Variants in ALDH3B1 observed in about 807,000 individuals in gnomAD.
ALDH3B1 encodes the protein aldehyde dehydrogenase family 3 member B1.
In ALDH3B1, 37 loss-of-function variants were observed where a neutral mutation model predicts 46.2. The ratio of observed to expected loss-of-function variants is 0.80; its 90% confidence interval spans 0.62 to 1.05. The LOEUF (loss-of-function observed/expected upper bound fraction) is 1.05, where lower values mean the gene tolerates loss of function less well. Among genes scored for constraint, ALDH3B1 ranks in the 50% least tolerant of loss-of-function variants. The pLI is 0.00. For synonymous variants in ALDH3B1, 283 were observed against 281.0 expected, an observed-to-expected ratio of 1.01 and a Z score of -0.07; for missense variants, 603 against 665.5, an observed-to-expected ratio of 0.91 and a Z score of 1.03.
chr11:68,008,590 C>T (rs1565130166), upstream of ALDH3B1: 1 of 152,294 alleles, frequency 6.6e-6, no homozygotes, highest in Non-Finnish European at 1.5e-5. Flanking sequence ...GGCTCCATCC[C>T]ACACAGAGGA....
chr11:68,010,672 G>A (rs1235378428), intron 1 of ALDH3B1, among the ~76,000 whole-genome samples: 1 of 152,166 alleles, frequency 6.6e-6, no homozygotes, highest in Non-Finnish European at 1.5e-5. Flanking sequence ...TCCTTTTCCT[G>A]GGATTCCCGG....
At chr11:68,026,161 T>C in intron 9 of ALDH3B1, 53 bp downstream of exon 9, 4 of 1,440,596 alleles carry the variant, frequency 2.8e-6, no homozygotes, top group South Asian at 1.3e-5. Flanking sequence ...ATTGCAATAG[T>C]GTTACCTGCA....
intron 2 of ALDH3B1, chr11:68,018,161 CAT>C (rs1554988654): frequency 7.8e-5 from 18 of 231,546 alleles, no homozygotes; most frequent in African/African-American, 3.4e-4. Context: ...CACACACACA[CAT>C]GCTCATGTGG....
intron 1 of ALDH3B1, among the ~76,000 whole-genome samples, chr11:68,011,162 T>A (rs1255421248): frequency 1.3e-5 from 2 of 152,230 alleles, no homozygotes; most frequent in African/African-American, 4.8e-5. Flanking sequence ...TATTCATGAT[T>A]CGTGAATCCG....
intron 4 of ALDH3B1, 49 bp from the exon 5 acceptor site, chr11:68,019,121 C>A: frequency 1.9e-6 from 3 of 1,569,130 alleles, no homozygotes; most frequent in Non-Finnish European, 2.6e-6. Context: ...GTGTGGAGAC[C>A]AGGAGCTGGC....
chr11:68,022,466 G>C, intron 7 of ALDH3B1, 129 bp from the exon 8 acceptor site: 2 of 1,269,864 alleles, frequency 1.6e-6, no homozygotes, highest in Non-Finnish European at 2.1e-6. Context: ...AAAGCCTGAA[G>C]CCTTGGGAAG....
Position 68,025,536 on chromosome 11 carries a change from T to C in ALDH3B1, c.1117-473T>C, listed in dbSNP as rs543448539. Among the ~76,000 whole-genome samples the C allele has an allele frequency of 3.5e-4, 53 of 152,330 alleles. 1 individual carries two copies. Among genetic ancestry groups the C allele is most frequent in the Admixed American group, 3.0e-3 (46 of 15,294 alleles). On this transcript the variant is annotated intron_variant, in intron 8 of 9. Coordinates refer to ENST00000342456, the MANE Select transcript of ALDH3B1 (RefSeq NM_000694.4). ...ATCTGACCACATCATTATGTTTTCATGTCCCTGTGTTCACACCACACAGCT... is the reference window on the plus strand; with the variant it reads ...ATCTGACCACATCATTATGTTTTCACGTCCCTGTGTTCACACCACACAGCT...
rs943275411 is a variant in ALDH3B1 at position 68,028,688 on chromosome 11, A to G, written c.*749A>G. 6.6e-6 allele frequency: 1 copy of G among 152,182 alleles called. No homozygotes were observed. Among genetic ancestry groups the G allele is most frequent in the African/African-American group, 2.4e-5 (1 of 41,292 alleles). 9.4% of individuals were successfully genotyped at this position (152,182 alleles called of 1,614,324 possible). A position where few individuals can be genotyped will look rare whatever the true frequency, so the allele number is the denominator to read the frequency against. On this transcript the variant is annotated 3_prime_UTR_variant, in exon 10 of 10. Coordinates refer to ENST00000342456, the MANE Select transcript of ALDH3B1 (RefSeq NM_000694.4). ...GGAGGCTCTGCCTTAAAAAAAAAAA[A>G]AAAAAAAACCTCCTGGGACTGTTGC...
intron 6 of ALDH3B1, among the ~76,000 whole-genome samples, chr11:68,020,277 GTGGCACAATCT>G (rs890638885): frequency 7.9e-5 from 12 of 152,092 alleles, no homozygotes; most frequent in Admixed American, 2.6e-4. Flanking sequence ...CACCCAGGCA[GTGGCACAATCT>G]TGGCACAATC....
At chr11:68,020,006 G>A (rs572146256) in intron 6 of ALDH3B1, among the ~76,000 whole-genome samples, 14 of 152,236 alleles carry the variant, frequency 9.2e-5, no homozygotes, top group African/African-American at 2.6e-4. Flanking sequence ...CAACCACAGC[G>A]TCAGGAACCA....
chr11:68,026,768 C>G (rs978425749), intron 9 of ALDH3B1, among the ~76,000 whole-genome samples: 1 of 152,234 alleles, frequency 6.6e-6, no homozygotes, highest in Non-Finnish European at 1.5e-5. Flanking sequence ...CCTGTCCACA[C>G]TCAGCACCAC....
chr11:68,010,612 C>T (rs1857210072), intron 1 of ALDH3B1, among the ~76,000 whole-genome samples: 1 of 152,174 alleles, frequency 6.6e-6, no homozygotes, highest in South Asian at 2.1e-4. Flanking sequence ...CCCGGGCACC[C>T]CCCTGGCCAG....
rs3794181 is a variant in ALDH3B1, at chr11:68,012,661, G to C, written c.-2+2269G>C. On this transcript the variant is annotated intron_variant, in intron 1 of 9. Coordinates refer to ENST00000342456, the MANE Select transcript of ALDH3B1 (RefSeq NM_000694.4). ...CGAGGAAATGGAATCCAAACAGCAAGAGACCTCCCCTCACCGGTCACCCCT... is the reference window on the plus strand; with the variant it reads ...CGAGGAAATGGAATCCAAACAGCAACAGACCTCCCCTCACCGGTCACCCCT... Among the ~76,000 whole-genome samples the C allele has an allele frequency of 1.4e-3, 208 of 152,288 alleles. 7 individuals carry two copies. In the East Asian group the frequency reaches 0.039, roughly 28 times the overall value.
At chr11:68,024,732 C>T (rs1051796104) in intron 8 of ALDH3B1, 1 of 152,138 alleles carries the variant, frequency 6.6e-6, no homozygotes, top group African/African-American at 2.4e-5. Context: ...AGCTGGATAC[C>T]GTATTCTTGG....
Position 68,018,862 on chromosome 11 carries a change from G to A in ALDH3B1, c.363G>A (p.Thr121=), listed in dbSNP as rs1264374257. 6 of 1,562,468 alleles carry A rather than the reference G, an allele frequency of 3.8e-6. No individual in the cohort carries two copies. Among genetic ancestry groups the A allele is most frequent in the Middle Eastern group, 3.3e-4 (2 of 6,006 alleles). Reference sequence around the variant, plus strand: ...CCTGGAACTATCCGCTGAACCTGACGCTGGTGCCCCTCGTGGGAGCCCTCG... The same window carrying A: ...CCTGGAACTATCCGCTGAACCTGACACTGGTGCCCCTCGTGGGAGCCCTCG... The part of the protein sequence containing the change: ...IAPWNYPLNL[T]LVPLVGALAA... The change falls in exon 4 of 10, where the codon ACG becomes ACA. Residue 121 remains threonine (T), a synonymous_variant. Transcript: ENST00000342456.
chr11:68,012,822 T>C (rs1267264268), intron 1 of ALDH3B1, among the ~76,000 whole-genome samples: 1 of 152,086 alleles, frequency 6.6e-6, no homozygotes, highest in Non-Finnish European at 1.5e-5. Flanking sequence ...GTGGATAGCC[T>C]TCTGCTCTTC....
Position 68,021,742 on chromosome 11 carries a change from G to A in ALDH3B1, c.820G>A (p.Asp274Asn), listed in dbSNP as rs373991420. The A allele has an allele frequency of 8.1e-6, 13 of 1,614,036 alleles. No individual in the cohort carries two copies. The highest frequency in any genetic ancestry group is 8.0e-5 in the African/African-American group (6 of 74,930). The change falls in exon 7 of 10, where the codon GAC (aspartate) becomes AAC (asparagine). Residue 274 changes from aspartate to asparagine, a missense_variant. Transcript: ENST00000342456. The part of the protein sequence containing the change: ...LQSTITRFYG[D>N]DPQSSPNLGR... Reference sequence around the variant, plus strand: ...GAGCACCATCACCCGTTTCTATGGCGACGACCCCCAGAGCTCCCCAAACCT... The same window carrying A: ...GAGCACCATCACCCGTTTCTATGGCAACGACCCCCAGAGCTCCCCAAACCT...
chr11:68,018,715 T>C, intron 3 of ALDH3B1, 58 bp from the exon 4 acceptor site: 1 of 1,548,918 alleles, frequency 6.5e-7, no homozygotes, highest in Non-Finnish European at 8.7e-7. Context: ...GGGTGGGAGC[T>C]GGCTGCTGAG....
chr11:68,013,177 G>A (rs1857270152), intron 1 of ALDH3B1, among the ~76,000 whole-genome samples: 1 of 152,168 alleles, frequency 6.6e-6, no homozygotes, highest in Non-Finnish European at 1.5e-5. Context: ...CGCTTGCCAG[G>A]GTCCTGCCCT....
Sources: allele counts gnomAD v4.1 joint callset (sites outside exome capture counted in the v4.1 genomes callset), GRCh38; gene constraint gnomAD v4.1.1; transcripts MANE v1.5; gene names NCBI Gene and HGNC (gene_info 2026-07-23, HGNC 2026-07-21).